RMDN2: variants seen among roughly 807,000 people sequenced by gnomAD.
The protein encoded by RMDN2 is regulator of microtubule dynamics protein 2.
A neutral mutation model predicts 52.8 loss-of-function variants in RMDN2; 61 were observed. The observed-to-expected ratio is 1.16, with a 90% CI of 0.94 to 1.43. The LOEUF (loss-of-function observed/expected upper bound fraction) is 1.43. RMDN2 is among the 40% of genes most tolerant of loss of function. The pLI is 0.00. For synonymous variants in RMDN2, 180 were observed against 153.1 expected (o/e 1.18, Z -1.30); for missense variants, 592 against 475.3 (o/e 1.25, Z -2.28).
intron 10 of RMDN2, among the ~76,000 whole-genome samples, chr2:38,026,206 C>G (rs1000362865): frequency 1.3e-5 from 2 of 152,064 alleles, no homozygotes; most frequent in African/African-American, 4.8e-5. Context: ...AAGAATTTAT[C>G]TATTTTTCTA....
At chr2:38,047,905 A>G (rs890248008) in intron 10 of RMDN2, among the ~76,000 whole-genome samples, 1 of 151,828 alleles carries the variant, frequency 6.6e-6, no homozygotes, top group Admixed American at 6.6e-5. Context: ...CCTTCCTTAT[A>G]TTGTTCACTG....
chr2:38,058,884 A>G (rs1261503495), intron 10 of RMDN2, among the ~76,000 whole-genome samples: 3 of 152,222 alleles, frequency 2.0e-5, no homozygotes, highest in Non-Finnish European at 4.4e-5. Context: ...AAACTACCTG[A>G]AAACTCTTGT....
intron 2 of RMDN2, among the ~76,000 whole-genome samples, chr2:37,937,188 A>G (rs536229831): frequency 1.4e-4 from 22 of 152,176 alleles, no homozygotes; most frequent in African/African-American, 5.1e-4. Flanking sequence ...TGTTTTTGTC[A>G]GGTTTGTCAA....
At chr2:37,977,909 T>C (rs1414016657) in intron 4 of RMDN2, among the ~76,000 whole-genome samples, 1 of 151,290 alleles carries the variant, frequency 6.6e-6, no homozygotes, top group Non-Finnish European at 1.5e-5. Context: ...CCTCACTTCC[T>C]AGATGGGGTG....
At chr2:38,050,955 G>C (rs1207572050) in intron 10 of RMDN2, among the ~76,000 whole-genome samples, 3 of 152,110 alleles carry the variant, frequency 2.0e-5, no homozygotes, top group African/African-American at 7.2e-5. Flanking sequence ...TAGAGACCAG[G>C]TTTCACCATA....
intron 10 of RMDN2, among the ~76,000 whole-genome samples, chr2:38,011,460 A>C (rs1051890211): frequency 2.6e-5 from 4 of 152,196 alleles, no homozygotes; most frequent in Admixed American, 1.3e-4. Context: ...TAAATCATTA[A>C]CAGAAAATAA....
chr2:37,940,355 G>T (rs1048401876), intron 2 of RMDN2, among the ~76,000 whole-genome samples: 12 of 152,130 alleles, frequency 7.9e-5, no homozygotes, highest in Non-Finnish European at 8.8e-5. Flanking sequence ...TGACAATTAT[G>T]TGTTTTGGGG....
chr2:37,978,996 C>T (rs965684071), intron 4 of RMDN2, among the ~76,000 whole-genome samples: 5 of 151,902 alleles, frequency 3.3e-5, no homozygotes, highest in African/African-American at 9.7e-5. Flanking sequence ...TGGTGAAATT[C>T]GTAAAGAAAT....
chr2:37,944,992 T>C (rs4670797), intron 2 of RMDN2, among the ~76,000 whole-genome samples: 128,861 of 152,174 alleles, frequency 0.85, 54,951 homozygotes, highest in African/African-American at 0.93. Flanking sequence ...ACCTTTTTAG[T>C]AGCAGTACAC....
downstream of RMDN2, among the ~76,000 whole-genome samples, chr2:38,020,013 G>T: frequency 6.6e-6 from 1 of 152,052 alleles, no homozygotes; most frequent in South Asian, 2.1e-4. Flanking sequence ...CTAAAAAACC[G>T]TGAACAGGAC....
intron 2 of RMDN2, among the ~76,000 whole-genome samples, chr2:37,936,817 C>G (rs560863685): frequency 6.6e-6 from 1 of 152,114 alleles, no homozygotes; most frequent in Non-Finnish European, 1.5e-5. Flanking sequence ...GAATAGATTG[C>G]AAAAATTTTC....
intron 1 of RMDN2, among the ~76,000 whole-genome samples, chr2:37,926,017 T>G (rs994657173): frequency 2.6e-5 from 4 of 152,210 alleles, no homozygotes; most frequent in African/African-American, 9.6e-5. Flanking sequence ...TAGAATTCAC[T>G]TCGAAAGTAC....
intron 2 of RMDN2, among the ~76,000 whole-genome samples, chr2:37,961,603 A>T (rs755842583): frequency 3.9e-5 from 6 of 151,924 alleles, no homozygotes; most frequent in Non-Finnish European, 2.9e-5. Flanking sequence ...TCTTTTATCA[A>T]AGTTCTTAGC....
intron 10 of RMDN2, among the ~76,000 whole-genome samples, chr2:38,065,376 TA>T (rs374747747): frequency 5.4e-5 from 8 of 149,186 alleles, no homozygotes; most frequent in South Asian, 4.2e-4. Context: ...GAATAAATTT[TA>T]AAAAAAAAAA....
chr2:37,966,603 C>G (rs1393480189), intron 2 of RMDN2, among the ~76,000 whole-genome samples: 1 of 151,522 alleles, frequency 6.6e-6, no homozygotes, highest in African/African-American at 2.4e-5. Context: ...ACTTTTTTTT[C>G]ATTTTTTATT....
intron 5 of RMDN2, among the ~76,000 whole-genome samples, chr2:37,981,879 A>G (rs1019854721): frequency 6.6e-5 from 10 of 151,952 alleles, no homozygotes; most frequent in Admixed American, 5.2e-4. Context: ...GTTTATGTAA[A>G]CATTATTTTA....
chr2:37,984,557 T>A (rs1464250106), intron 5 of RMDN2, among the ~76,000 whole-genome samples: 1 of 152,204 alleles, frequency 6.6e-6, no homozygotes, highest in African/African-American at 2.4e-5. Context: ...AGTTTTGTAT[T>A]CTTATATGCC....
rs1170273877 is a variant in RMDN2, at chr2:38,039,790, C to A, written c.1714-27192C>A. 4.6e-5 allele frequency among the ~76,000 whole-genome samples: 7 copies of A among 152,306 alleles called. No individual in the cohort carries two copies. The East Asian group carries it at 1.4e-3, about 29-fold the overall frequency. On this transcript the variant is annotated intron_variant, in intron 10 of 10. Coordinates refer to the RMDN2 transcript ENST00000234195. ...AACCTAACTTTTCCAGTGTCGCCAT[C>A]TGACCCAGGATGTCAAGAATCGGAC...
chr2:38,022,011 G>T (rs1376355692), downstream of RMDN2, among the ~76,000 whole-genome samples: 1 of 152,164 alleles, frequency 6.6e-6, no homozygotes, highest in Non-Finnish European at 1.5e-5. Flanking sequence ...TTCCATGTAG[G>T]TAATGACATA....
Sources: allele counts gnomAD v4.1 joint callset (sites outside exome capture counted in the v4.1 genomes callset), GRCh38; gene constraint gnomAD v4.1.1; transcripts MANE v1.5; gene names NCBI Gene and HGNC (gene_info 2026-07-23, HGNC 2026-07-21).